CAST: variants seen among roughly 807,000 people sequenced by gnomAD.
The protein encoded by CAST is MIR583 host.
In CAST, 76 loss-of-function variants were observed where a neutral mutation model predicts 119.6. The ratio of observed to expected loss-of-function variants is 0.64; its 90% confidence interval spans 0.53 to 0.77. CAST has a LOEUF of 0.77. Ranked by LOEUF, CAST falls within the 30% of genes least tolerant of loss-of-function variation. The probability of loss-of-function intolerance (pLI) is 0.00; values close to 1 mark genes in which losing one functional copy is unlikely to be tolerated. For missense variants in CAST, 953 were observed against 946.5 expected (o/e 1.01, Z -0.09); for synonymous variants, 319 against 331.6 (o/e 0.96, Z 0.41).
chr5:96,658,121 G>T (rs1395428467), upstream of CAST, among the ~76,000 whole-genome samples: 4 of 152,058 alleles, frequency 2.6e-5, no homozygotes, highest in Admixed American at 2.6e-4. Flanking sequence ...GTAATTTTGT[G>T]ACTCAGTTTT....
At chr5:96,160,928 T>C in the CAST span, among the ~76,000 whole-genome samples, 1 of 152,220 alleles carries the variant, frequency 6.6e-6, no homozygotes, top group East Asian at 1.9e-4. Context: ...TGCCTGTTAA[T>C]TACAATAATT....
chr5:96,261,946 C>T, the CAST span, among the ~76,000 whole-genome samples: 8 of 152,082 alleles, frequency 5.3e-5, no homozygotes, highest in South Asian at 2.1e-4. Flanking sequence ...CAAAACCTTT[C>T]GAGGTAGATA....
At chr5:96,079,495 T>C in the CAST span, among the ~76,000 whole-genome samples, 4 of 152,368 alleles carry the variant, frequency 2.6e-5, no homozygotes, top group African/African-American at 4.8e-5. Flanking sequence ...ATTGCATTAG[T>C]TGACAATTTA....
chr5:96,050,311 A>C, the CAST span: 4 of 151,888 alleles, frequency 2.6e-5, no homozygotes, highest in Non-Finnish European at 5.9e-5. Flanking sequence ...GATTTTAAGA[A>C]GTGAACCACT....
chr5:96,450,256 C>T, the CAST span, among the ~76,000 whole-genome samples: 1 of 152,158 alleles, frequency 6.6e-6, no homozygotes, highest in East Asian at 1.9e-4. Context: ...GAACACTACT[C>T]AGCCAAAAAA....
At chr5:96,380,487 C>G in the CAST span, among the ~76,000 whole-genome samples, 6 of 151,938 alleles carry the variant, frequency 3.9e-5, no homozygotes, top group South Asian at 2.1e-4. Flanking sequence ...GCTTTTTCAT[C>G]GAACATCATT....
At chr5:95,963,725 C>CTT in the CAST span, among the ~76,000 whole-genome samples, 2,464 of 129,912 alleles carry the variant, frequency 0.019, 90 homozygotes, top group African/African-American at 0.066. Flanking sequence ...TTCTCTCTCT[C>CTT]TTTTTTTTTT....
At chr5:96,502,248 A>G in the CAST span, among the ~76,000 whole-genome samples, 2 of 152,082 alleles carry the variant, frequency 1.3e-5, no homozygotes, top group African/African-American at 2.4e-5. Context: ...CTTGGCCCAC[A>G]TTGTTGTCCA....
the CAST span, among the ~76,000 whole-genome samples, chr5:96,067,872 TAAA>T: frequency 2.1e-5 from 3 of 143,526 alleles, no homozygotes; most frequent in African/African-American, 7.7e-5. Flanking sequence ...AGTTTTCCCT[TAAA>T]AAAAAAAAAA....
the CAST span, among the ~76,000 whole-genome samples, chr5:96,189,297 G>A: frequency 6.6e-6 from 1 of 152,120 alleles, no homozygotes; most frequent in Non-Finnish European, 1.5e-5. Context: ...GGTGGATAAT[G>A]GTCCTTTTTC....
At chr5:96,339,616 G>A in the CAST span, among the ~76,000 whole-genome samples, 58 of 152,306 alleles carry the variant, frequency 3.8e-4, no homozygotes, top group Non-Finnish European at 1.8e-4. Flanking sequence ...GAGTTTAAGT[G>A]ACAAGGACAC....
At chr5:96,704,399 C>T (rs1190179891) in intron 3 of CAST, among the ~76,000 whole-genome samples, 4 of 152,100 alleles carry the variant, frequency 2.6e-5, no homozygotes, top group Non-Finnish European at 4.4e-5. Flanking sequence ...CGTAAAGTAA[C>T]AGTTTGAAAG....
the CAST span, among the ~76,000 whole-genome samples, chr5:96,033,087 CA>C: frequency 6.6e-6 from 1 of 151,808 alleles, no homozygotes; most frequent in Non-Finnish European, 1.5e-5. Context: ...CAAGTATCTA[CA>C]AAAAATACTC....
At chr5:96,412,106 C>T in the CAST span, among the ~76,000 whole-genome samples, 2 of 152,330 alleles carry the variant, frequency 1.3e-5, no homozygotes, top group East Asian at 1.9e-4. Flanking sequence ...CCTTGGCCAT[C>T]GCGCCTGGCC....
the CAST span, among the ~76,000 whole-genome samples, chr5:96,036,596 A>G: frequency 6.6e-6 from 1 of 152,142 alleles, no homozygotes; most frequent in Non-Finnish European, 1.5e-5. Flanking sequence ...TTAAAAACGT[A>G]TTATTTTTAT....
At chr5:96,355,389 G>A in the CAST span, among the ~76,000 whole-genome samples, 1 of 152,128 alleles carries the variant, frequency 6.6e-6, no homozygotes, top group Non-Finnish European at 1.5e-5. Context: ...GTAGTATTCT[G>A]TGGTATATAT....
At chr5:96,471,331 A>G in the CAST span, among the ~76,000 whole-genome samples, 1 of 152,144 alleles carries the variant, frequency 6.6e-6, no homozygotes, top group Non-Finnish European at 1.5e-5. Context: ...GATTTCCTCA[A>G]TCTTCAGCTA....
the CAST span, among the ~76,000 whole-genome samples, chr5:96,219,039 G>C: frequency 2.6e-5 from 4 of 152,176 alleles, no homozygotes; most frequent in South Asian, 4.1e-4. Context: ...GCTGTGTGCA[G>C]AACAGCTACG....
the CAST span, among the ~76,000 whole-genome samples, chr5:96,264,696 C>A: frequency 6.6e-6 from 1 of 152,212 alleles, no homozygotes; most frequent in Admixed American, 6.5e-5. Context: ...GGGCATTTGA[C>A]TTCCTCTTTG....
Sources: allele counts gnomAD v4.1 joint callset (sites outside exome capture counted in the v4.1 genomes callset), GRCh38; gene constraint gnomAD v4.1.1; transcripts MANE v1.5; gene names NCBI Gene and HGNC (gene_info 2026-07-23, HGNC 2026-07-21).